The following ZNF480 variants were observed in gnomAD, a reference collection of about 807,000 sequenced individuals.
ZNF480 encodes the protein zinc finger protein 480.
Under a neutral mutation model 14.4 loss-of-function variants are expected in ZNF480, and 15 were observed. That is an observed-to-expected ratio of 1.04 (90% CI 0.70 to 1.60). The LOEUF is 1.60. Ranked by LOEUF, ZNF480 falls within the 40% of genes most tolerant of loss-of-function variation. The pLI is 0.00. For synonymous variants in ZNF480, 218 were observed against 215.5 expected (o/e 1.01, Z -0.10); for missense variants, 593 against 629.7 (o/e 0.94, Z 0.62).
At chr19:52,310,500 C>T (rs1325841828) in intron 2 of ZNF480, among the ~76,000 whole-genome samples, 11 of 150,742 alleles carry the variant, frequency 7.3e-5, no homozygotes, top group Non-Finnish European at 1.0e-4. Context: ...ACCTCTCTTT[C>T]TGGCCCCTGC....
Position 52,322,969 on chromosome 19 carries a change from A to G in ZNF480, c.*111A>G, listed in dbSNP as rs1600223468. 6.6e-6 allele frequency: 6 copies of G among 902,630 alleles called. No individual in the cohort carries two copies. The African/African-American group carries it at 8.4e-5, about 13-fold the overall frequency. The allele number at this position is 902,630 out of a possible 1,614,324, so 55.9% of individuals were successfully genotyped here. On this transcript the variant is annotated 3_prime_UTR_variant, in exon 5 of 5. Coordinates refer to ENST00000595962, the MANE Select transcript of ZNF480 (RefSeq NM_144684.4). ...TTTTGCAAATGTAAAGAATATGACA[A>G]GGTCTTCAAACACAAGTTTTTCTAA... is the stretch of plus-strand genomic sequence containing the variant.
In ZNF480 at chr19:52,325,449, A is replaced by G. The variant is rs1984053988; in HGVS notation, c.*2591A>G. ...ATACCTAAAGGAATATAATCATTCC[A>G]CCATAAAGACAAACACTTGTATGTT... is the stretch of plus-strand genomic sequence containing the variant. On this transcript the variant is annotated 3_prime_UTR_variant, in exon 5 of 5. Coordinates refer to ENST00000595962, the MANE Select transcript of ZNF480 (RefSeq NM_144684.4). 1 of 152,242 alleles carries G rather than the reference A, an allele frequency of 6.6e-6. No individual in the cohort carries two copies. Among genetic ancestry groups the G allele is most frequent in the Non-Finnish European group, 1.5e-5 (1 of 68,044 alleles). 9.4% of individuals were successfully genotyped at this position (152,242 alleles called of 1,614,324 possible). A position where few individuals can be genotyped will look rare whatever the true frequency, so the allele number is the denominator to read the frequency against.
chr19:52,314,280 G>C lies in ZNF480; in HGVS notation c.199+1G>C. ...AACTACAGGAACCTGGTCTCCCTGG[G>C]TGAGGATCATGCCCCTGCAGAAGCC... On this transcript the variant is annotated splice_donor_variant, in intron 3 of 4. Coordinates refer to ENST00000595962, the MANE Select transcript of ZNF480 (RefSeq NM_144684.4). LOFTEE classifies it high-confidence loss of function. 1 of 1,547,154 alleles carries C rather than the reference G, an allele frequency of 6.5e-7. No individual in the cohort carries two copies. The highest frequency in any genetic ancestry group is 8.8e-7 in the Non-Finnish European group (1 of 1,139,872).
At chr19:52,300,636 G>GCCA in intron 2 of ZNF480, 152 bp downstream of exon 2, 1 of 1,363,128 alleles carries the variant, frequency 7.3e-7, no homozygotes, top group African/African-American at 1.4e-5. Flanking sequence ...GACCAGCTTG[G>GCCA]TCGTGGGGAC....
intron 2 of ZNF480, among the ~76,000 whole-genome samples, chr19:52,309,820 T>C (rs1983182923): frequency 6.6e-6 from 1 of 152,154 alleles, no homozygotes; most frequent in Admixed American, 6.6e-5. Flanking sequence ...TCCACATGGA[T>C]TCAAAATGGT....
intron 4 of ZNF480, among the ~76,000 whole-genome samples, chr19:52,319,871 G>A (rs1477549834): frequency 7.1e-6 from 1 of 140,138 alleles, no homozygotes; most frequent in Non-Finnish European, 1.5e-5. Context: ...AGGCTGGAGT[G>A]TAATGGCTCC....
intron 2 of ZNF480, among the ~76,000 whole-genome samples, chr19:52,311,071 T>C (rs1983261341): frequency 6.6e-6 from 1 of 151,794 alleles, no homozygotes; most frequent in African/African-American, 2.4e-5. Flanking sequence ...TTTGTTGAAT[T>C]ATTATATCAT....
At chr19:52,313,960 C>T in intron 2 of ZNF480, 193 bp from the exon 3 acceptor site, 1 of 472,350 alleles carries the variant, frequency 2.1e-6, no homozygotes, top group Non-Finnish European at 3.5e-6. Context: ...GCCTGGGCAA[C>T]AGAGTAAGAC....
At position 52,323,324 on chromosome 19, in the gene ZNF480, A is replaced by C. The variant is rs980745963; in HGVS notation, c.*466A>C. 1 of 152,452 alleles carries C rather than the reference A, an allele frequency of 6.6e-6. No homozygotes were observed. The highest frequency in any genetic ancestry group is 6.6e-5 in the Admixed American group (1 of 15,202). 9.4% of individuals were successfully genotyped at this position (152,452 alleles called of 1,614,324 possible). A position where few individuals can be genotyped will look rare whatever the true frequency, so the allele number is the denominator to read the frequency against. ...TTAATCACTAATTAAAAATCTATCA[A>C]ACAAAACTCTGGACCAGACAGATTT... On this transcript the variant is annotated 3_prime_UTR_variant, in exon 5 of 5. Transcript: ENST00000595962.
intron 4 of ZNF480, among the ~76,000 whole-genome samples, chr19:52,318,316 C>T (rs915389528): frequency 1.3e-5 from 2 of 151,980 alleles, no homozygotes; most frequent in Non-Finnish European, 2.9e-5. Context: ...CTATGTTGGC[C>T]AGGCTGGTCT....
Position 52,315,813 on chromosome 19 carries a change from G to T in ZNF480, c.200-21G>T, listed in dbSNP as rs201418843. 7.5e-6 allele frequency: 12 copies of T among 1,594,618 alleles called. No homozygotes were observed. The African/African-American group carries it at 1.2e-4, about 16-fold the overall frequency. ...TTTTGGAGATGCTACAGCACATTTT[G>T]ATTTTTTTTTTTACAAACAGGAATC... On this transcript the variant is annotated intron_variant, in intron 3 of 4. Transcript: ENST00000595962.
chr19:52,321,941 TA>T lies in ZNF480; in HGVS notation c.692del (p.Tyr231SerfsTer100). ...AGTAATCCATACTGTAGAGAAACCTTACAAATGTAATTCATGCGGCAAGGTC... is the reference window on the plus strand; with the variant it reads ...AGTAATCCATACTGTAGAGAAACCTTCAAATGTAATTCATGCGGCAAGGTC... ...HQVIHTVEKP[Y>X]KCNSCGKVFS... On this transcript the variant is annotated frameshift_variant, in exon 5 of 5. Coordinates refer to ENST00000595962, the MANE Select transcript of ZNF480 (RefSeq NM_144684.4). LOFTEE classifies it low-confidence loss of function (END_TRUNC). 2.5e-6 allele frequency: 4 copies of T among 1,614,104 alleles called. No individual in the cohort carries two copies. The South Asian group carries it at 3.3e-5, about 13-fold the overall frequency.
At position 52,314,165 on chromosome 19, in the gene ZNF480, T is replaced by C; in HGVS notation, c.85T>C (p.Phe29Leu). 1.3e-6 allele frequency: 2 copies of C among 1,570,342 alleles called. No individual in the cohort carries two copies. Among genetic ancestry groups the C allele is most frequent in the Non-Finnish European group, 1.7e-6 (2 of 1,152,210 alleles). The change falls in exon 3 of 5, where the codon TTC (phenylalanine) becomes CTC (leucine). Residue 29 changes from phenylalanine to leucine, a missense_variant. Coordinates refer to ENST00000595962, the MANE Select transcript of ZNF480 (RefSeq NM_144684.4). ...GMALPQGHLT[F>L]RDVAIEFSQA... ...GTTTTCATTTTAGGGACACTTAACA[T>C]TCAGGGACGTGGCCATAGAATTCTC...
intron 4 of ZNF480, 122 bp downstream of exon 4, chr19:52,316,084 T>G: frequency 3.3e-5 from 31 of 933,942 alleles, no homozygotes; most frequent in Non-Finnish European, 3.9e-5. Flanking sequence ...TGAGATGGAG[T>G]TTCACTGTCA....
intron 1 of ZNF480, among the ~76,000 whole-genome samples, chr19:52,299,342 G>A (rs1467187052): frequency 2.0e-5 from 3 of 152,186 alleles, no homozygotes; most frequent in African/African-American, 7.2e-5. Flanking sequence ...GACACCGCCT[G>A]GGTGATCCGT....
chr19:52,307,716 A>G (rs1467907932), intron 2 of ZNF480, among the ~76,000 whole-genome samples: 1 of 152,222 alleles, frequency 6.6e-6, no homozygotes, highest in Non-Finnish European at 1.5e-5. Context: ...CATTCCTTAC[A>G]GGAAACAAAA....
intron 1 of ZNF480, chr19:52,297,812 C>G (rs751830955): frequency 1.2e-4 from 18 of 152,500 alleles, no homozygotes; most frequent in Non-Finnish European, 2.1e-4. Flanking sequence ...CCAAATAACA[C>G]CCCACTGAAA....
chr19:52,298,462 A>G (rs956549967), intron 1 of ZNF480, among the ~76,000 whole-genome samples: 11 of 152,070 alleles, frequency 7.2e-5, no homozygotes, highest in Non-Finnish European at 1.5e-4. Context: ...GTGAAACCCC[A>G]TCTCTACTAA....
intron 4 of ZNF480, among the ~76,000 whole-genome samples, chr19:52,318,692 G>C (rs1568635424): frequency 6.6e-6 from 1 of 152,000 alleles, no homozygotes; most frequent in Non-Finnish European, 1.5e-5. Context: ...TTTTGCATGG[G>C]GTGTAAAGTA....
Sources: allele counts gnomAD v4.1 joint callset (sites outside exome capture counted in the v4.1 genomes callset), GRCh38; gene constraint gnomAD v4.1.1; transcripts MANE v1.5; gene names NCBI Gene and HGNC (gene_info 2026-07-23, HGNC 2026-07-21).